The following ATG2B variants were observed in gnomAD, a reference collection of about 807,000 sequenced individuals.
ATG2B encodes the protein autophagy related 2B.
In ATG2B, 121 loss-of-function variants were observed where a neutral mutation model predicts 241.3. That is an observed-to-expected ratio of 0.50 (90% CI 0.43 to 0.58). The LOEUF (loss-of-function observed/expected upper bound fraction) is 0.58, where lower values mean the gene tolerates loss of function less well. Ranked by LOEUF, ATG2B falls within the 20% of genes least tolerant of loss-of-function variation. ATG2B has a pLI of 0.00. For missense variants in ATG2B, 2,306 were observed against 2,491.6 expected (o/e 0.93, Z 1.59); for synonymous variants, 858 against 876.6 (o/e 0.98, Z 0.37).
Position 96,290,220 on chromosome 14 carries a change from TAGGCA to T in ATG2B, c.5856+211_5856+215del. On this transcript the variant is annotated intron_variant, in intron 40 of 41. Transcript: ENST00000359933. The surrounding 1 kb of genome is among the most constrained non-coding windows in gnomAD (Gnocchi z 4.4). ...CTTAATGTTTACAATTTACCTGAAATAGGCAAACAAATCTGACACTGTATTCCACT... is the reference window on the plus strand; with the variant it reads ...CTTAATGTTTACAATTTACCTGAAATAACAAATCTGACACTGTATTCCACT... 7.7e-7 allele frequency: 1 copy of T among 1,295,694 alleles called. No homozygotes were observed. Among genetic ancestry groups the T allele is most frequent in the Middle Eastern group, 2.0e-4 (1 of 5,064 alleles). 80.3% of individuals were successfully genotyped at this position (1,295,694 alleles called of 1,614,324 possible). A position where few individuals can be genotyped will look rare whatever the true frequency, so the allele number is the denominator to read the frequency against.
intron 1 of ATG2B, among the ~76,000 whole-genome samples, chr14:96,352,070 G>C (rs1314213813): frequency 6.6e-6 from 1 of 152,126 alleles, no homozygotes; most frequent in Non-Finnish European, 1.5e-5. Flanking sequence ...ATGCATCACA[G>C]AAGGACATCT....
chr14:96,340,101 A>ATATAT (rs1491413324), intron 6 of ATG2B, among the ~76,000 whole-genome samples: 4 of 112,566 alleles, frequency 3.6e-5, no homozygotes, highest in African/African-American at 8.2e-5. Flanking sequence ...TATGCTATAT[A>ATATAT]GAATATATGA....
At chr14:96,309,655 C>T in intron 28 of ATG2B, 61 bp from the exon 29 acceptor site, 1 of 1,472,492 alleles carries the variant, frequency 6.8e-7, no homozygotes, top group Non-Finnish European at 9.2e-7. Context: ...AAACTACTTA[C>T]ATTTATTTTA....
At chr14:96,340,348 C>T (rs1888000490) in intron 6 of ATG2B, among the ~76,000 whole-genome samples, 1 of 150,866 alleles carries the variant, frequency 6.6e-6, no homozygotes, top group Admixed American at 6.6e-5. Context: ...TATATATGAA[C>T]AATGGAATAT....
At chr14:96,345,861 C>T (rs1469318751) in intron 2 of ATG2B, among the ~76,000 whole-genome samples, 1 of 152,108 alleles carries the variant, frequency 6.6e-6, no homozygotes, top group Non-Finnish European at 1.5e-5. Context: ...ATAAGCATGG[C>T]TGTGTTCCAA....
chr14:96,360,847 A>T (rs548396470), intron 1 of ATG2B, among the ~76,000 whole-genome samples: 2 of 147,216 alleles, frequency 1.4e-5, no homozygotes, highest in South Asian at 2.2e-4. Context: ...TAATCTGAGC[A>T]CTTGGGAGGC....
chr14:96,317,422 T>C, intron 19 of ATG2B, 105 bp from the exon 20 acceptor site: 2 of 1,020,916 alleles, frequency 2.0e-6, no homozygotes, highest in South Asian at 1.7e-5. Flanking sequence ...TTACAAAGAA[T>C]ATGGTGTGAA....
chr14:96,304,632 CT>C (rs756498723), intron 31 of ATG2B, 29 bp from the exon 32 acceptor site: 2 of 1,331,472 alleles, frequency 1.5e-6, no homozygotes, highest in Non-Finnish European at 2.1e-6. Flanking sequence ...AAAAAAAACC[CT>C]TTTGTTAAAG....
rs1886301796 is a variant in ATG2B at position 96,285,204 on chromosome 14, C to A, written c.*551G>T. The stretch of plus-strand genomic sequence containing the variant: ...TGTCTGCAACATTCACTTTCTCAAA[C>A]CCCCACAGAAGGATTTTCGGAGTAA... On this transcript the variant is annotated 3_prime_UTR_variant, in exon 42 of 42. Coordinates refer to ENST00000359933, the MANE Select transcript of ATG2B (RefSeq NM_018036.7). This position sits in a 1 kb window ranked among gnomAD's most constrained non-coding sequence, Gnocchi z 4.2. The A allele has an allele frequency of 6.5e-6, 1 of 154,038 alleles. No individual in the cohort carries two copies. Among genetic ancestry groups the A allele is most frequent in the Non-Finnish European group, 1.4e-5 (1 of 69,224 alleles). The allele number at this position is 154,038 out of a possible 1,614,324, so 9.5% of individuals were successfully genotyped here.
In ATG2B at chr14:96,311,280, G is replaced by A. The variant is rs770761210; in HGVS notation, c.3998C>T (p.Pro1333Leu). 7.4e-6 allele frequency: 12 copies of A among 1,611,496 alleles called. No homozygotes were observed. Among genetic ancestry groups the A allele is most frequent in the Non-Finnish European group, 1.0e-5 (12 of 1,178,996 alleles). The stretch of plus-strand genomic sequence containing the variant: ...GCTGGAACAGTGTAACTCAAAGCGG[G>A]GCTCAGTCTGGACAAGACACAGAAA... ...KSDSDGEQTE[P>L]RFELHCSSDV... Residue 1333 changes from proline (P) to leucine (L), a missense_variant, in exon 28 of 42, where the codon CCC becomes CTC. Physicochemically the swap from Pro to Leu is moderately conservative, Grantham distance 98 (BLOSUM62 -3). Coordinates refer to ENST00000359933, the MANE Select transcript of ATG2B (RefSeq NM_018036.7).
At chr14:96,309,659 T>A (rs1887096214) in intron 28 of ATG2B, 65 bp from the exon 29 acceptor site, 2 of 1,446,468 alleles carry the variant, frequency 1.4e-6, no homozygotes, top group Admixed American at 2.1e-5. Context: ...TACTTACATT[T>A]ATTTTATCCC....
chr14:96,348,631 C>T (rs1888232993), intron 1 of ATG2B, among the ~76,000 whole-genome samples: 1 of 149,944 alleles, frequency 6.7e-6, no homozygotes, highest in Non-Finnish European at 1.5e-5. Context: ...TGCAGTGAGC[C>T]ACTGCACTCC....
chr14:96,283,988 T>C lies in ATG2B; in HGVS notation c.*1767A>G, dbSNP rs1035037905. ...TTATTTTTCTCTATACTGTAGTTAATTGAACTTAAGTACAACTGTGGAAAG... is the reference window on the plus strand; with the variant it reads ...TTATTTTTCTCTATACTGTAGTTAACTGAACTTAAGTACAACTGTGGAAAG... On this transcript the variant is annotated 3_prime_UTR_variant, in exon 42 of 42. Transcript: ENST00000359933. 2.0e-5 allele frequency: 3 copies of C among 152,372 alleles called. No individual in the cohort carries two copies. The highest frequency in any genetic ancestry group is 2.1e-4 in the South Asian group (1 of 4,830). The allele number at this position is 152,372 out of a possible 1,614,324, so 9.4% of individuals were successfully genotyped here.
At chr14:96,330,442 T>G (rs186716756) in intron 11 of ATG2B, among the ~76,000 whole-genome samples, 1 of 152,210 alleles carries the variant, frequency 6.6e-6, no homozygotes. Context: ...ACTTTCACAT[T>G]AAAATTGTAA....
At chr14:96,339,917 A>G (rs1887966364) in intron 6 of ATG2B, among the ~76,000 whole-genome samples, 1 of 151,548 alleles carries the variant, frequency 6.6e-6, no homozygotes, top group South Asian at 2.1e-4. Context: ...ACAAAAACTA[A>G]AAATAGAACT....
intron 1 of ATG2B, among the ~76,000 whole-genome samples, chr14:96,362,176 G>C (rs1888655400): frequency 1.3e-5 from 2 of 152,082 alleles, no homozygotes; most frequent in South Asian, 4.1e-4. Flanking sequence ...TTTACGATCT[G>C]TCACGTGGAG....
intron 34 of ATG2B, among the ~76,000 whole-genome samples, chr14:96,300,147 A>G (rs936289441): frequency 6.6e-6 from 1 of 152,210 alleles, no homozygotes; most frequent in East Asian, 1.9e-4. Context: ...TCTAAGATTA[A>G]TAACTCTCCA....
At chr14:96,293,048 A>C (rs1437586924) in intron 36 of ATG2B, 1 of 152,172 alleles carries the variant, frequency 6.6e-6, no homozygotes, top group Non-Finnish European at 1.5e-5. Context: ...TCAGATGTAG[A>C]ATTCCAGATA....
In ATG2B at chr14:96,305,115, G is replaced by A. The variant is rs142739536; in HGVS notation, c.4733+474C>T. On this transcript the variant is annotated intron_variant, in intron 31 of 41. Coordinates refer to ENST00000359933, the MANE Select transcript of ATG2B (RefSeq NM_018036.7). ...TCAATAAGGAAGTCTGCCCCCTACA[G>A]GGATTCTGTCCACCTGATTCTCCCA... is the stretch of plus-strand genomic sequence containing the variant. Among the ~76,000 whole-genome samples the A allele has an allele frequency of 4.2e-3, 634 of 152,266 alleles. 25 individuals are homozygous for A. In the South Asian group the frequency reaches 0.066, roughly 16 times the overall value.
Sources: gnomAD v4.1 joint callset for allele counts (sites outside exome capture counted in the v4.1 genomes callset) on GRCh38, gnomAD v4.1.1 for gene constraint, Gnocchi (gnomAD v3.1) non-coding constraint, MANE v1.5 for transcripts, NCBI Gene and HGNC (gene_info 2026-07-23, HGNC 2026-07-21) for gene names.